Variants in MEIS2 observed in about 807,000 individuals in gnomAD.
MEIS2 encodes homeobox protein Meis2.
In MEIS2, 9 loss-of-function variants were observed where a neutral mutation model predicts 58.6. That is an observed-to-expected ratio of 0.15 (90% CI 0.09 to 0.27). MEIS2 has a LOEUF of 0.27. MEIS2 is among the 10% of genes least tolerant of loss of function. The pLI is 1.00. For synonymous variants in MEIS2, 221 were observed against 228.4 expected (o/e 0.97, Z 0.29); for missense variants, 427 against 635.0 (o/e 0.67, Z 3.52).
intron 8 of MEIS2, among the ~76,000 whole-genome samples, chr15:37,019,605 C>A (rs1463116092): frequency 6.6e-6 from 1 of 152,074 alleles, no homozygotes; most frequent in East Asian, 1.9e-4. Flanking sequence ...AAATTTAGAG[C>A]CCCAAAGAGA....
At chr15:37,096,715 G>A (rs2140096547) in intron 2 of MEIS2, among the ~76,000 whole-genome samples, 1 of 152,172 alleles carries the variant, frequency 6.6e-6, no homozygotes, top group South Asian at 2.1e-4. Flanking sequence ...GGAACGTAAT[G>A]AAACATCCGA....
chr15:37,080,975 T>A (rs957680517), intron 7 of MEIS2, among the ~76,000 whole-genome samples: 13 of 152,208 alleles, frequency 8.5e-5, no homozygotes, highest in Admixed American at 5.9e-4. Context: ...TGTGTAACTG[T>A]AGCTGTTTCA....
intron 8 of MEIS2, among the ~76,000 whole-genome samples, chr15:36,990,108 C>T (rs1317638656): frequency 6.6e-6 from 1 of 152,074 alleles, no homozygotes; most frequent in Non-Finnish European, 1.5e-5. Flanking sequence ...CCACGCCCAG[C>T]TAAATTTTTT....
At chr15:37,087,576 C>T (rs922226468) in intron 6 of MEIS2, among the ~76,000 whole-genome samples, 6 of 150,952 alleles carry the variant, frequency 4.0e-5, no homozygotes, top group African/African-American at 1.5e-4. Context: ...CACAATTGTG[C>T]CAGTGTTTTC....
At chr15:37,012,219 A>G (rs1352160193) in intron 8 of MEIS2, among the ~76,000 whole-genome samples, 2 of 152,208 alleles carry the variant, frequency 1.3e-5, no homozygotes, top group African/African-American at 4.8e-5. Context: ...TAAAAGGAAC[A>G]TTGATGGGTA....
rs2063007920 is a variant in MEIS2, at chr15:37,053,380, C to T, written c.755-16421G>A. ...TTGAGTGAGGAATTCACCGCTGACCCAGTAGAACACAATTTCTACCACCAG... is the reference window on the plus strand; with the variant it reads ...TTGAGTGAGGAATTCACCGCTGACCTAGTAGAACACAATTTCTACCACCAG... On this transcript the variant is annotated intron_variant, in intron 7 of 11. Coordinates refer to ENST00000561208, the MANE Select transcript of MEIS2 (RefSeq NM_170675.5). Among the ~76,000 whole-genome samples, 5 of 152,144 alleles carry T rather than the reference C, an allele frequency of 3.3e-5. No individual in the cohort carries two copies. The South Asian group carries it at 8.3e-4, about 25-fold the overall frequency.
chr15:36,931,212 A>C (rs1432057819), intron 9 of MEIS2, among the ~76,000 whole-genome samples: 3 of 152,216 alleles, frequency 2.0e-5, no homozygotes, highest in Non-Finnish European at 4.4e-5. Context: ...GGAGAGAAGA[A>C]AAAAGCCTAT....
chr15:36,947,627 T>G (rs2058615692), intron 9 of MEIS2, among the ~76,000 whole-genome samples: 1 of 151,956 alleles, frequency 6.6e-6, no homozygotes, highest in Admixed American at 6.6e-5. Flanking sequence ...CTGCTCTAAT[T>G]CCTTGGGTGC....
chr15:36,944,327 G>GAAATAATTTC (rs2058481120), intron 9 of MEIS2, among the ~76,000 whole-genome samples: 2 of 151,924 alleles, frequency 1.3e-5, no homozygotes, highest in African/African-American at 4.8e-5. Flanking sequence ...AGAAATAATT[G>GAAATAATTTC]TAGGTCTCCA....
intron 8 of MEIS2, among the ~76,000 whole-genome samples, chr15:37,026,253 T>C (rs945835218): frequency 2.0e-5 from 3 of 152,208 alleles, no homozygotes; most frequent in Non-Finnish European, 4.4e-5. Context: ...AAAAGCCTTT[T>C]TCTTTTTAAA....
intron 7 of MEIS2, among the ~76,000 whole-genome samples, chr15:37,079,642 C>G (rs555480788): frequency 2.0e-4 from 31 of 152,254 alleles, no homozygotes; most frequent in African/African-American, 7.2e-4. Context: ...ACATTCACTA[C>G]TAAGGAGATA....
chr15:36,940,095 A>G (rs2058321996), intron 9 of MEIS2, among the ~76,000 whole-genome samples: 1 of 152,190 alleles, frequency 6.6e-6, no homozygotes, highest in East Asian at 1.9e-4. Flanking sequence ...GGTTGCTGAG[A>G]TGGAACCAAA....
intron 9 of MEIS2, among the ~76,000 whole-genome samples, chr15:36,922,713 C>T (rs1297007291): frequency 1.3e-5 from 2 of 151,280 alleles, no homozygotes; most frequent in Admixed American, 6.6e-5. Flanking sequence ...CTCCGCCTCC[C>T]GGGTTCAGGC....
intron 9 of MEIS2, among the ~76,000 whole-genome samples, chr15:36,925,420 C>G (rs8026749): frequency 6.6e-6 from 1 of 152,028 alleles, no homozygotes; most frequent in Non-Finnish European, 1.5e-5. Flanking sequence ...TGAATTTCCT[C>G]AAAGTGATGC....
intron 7 of MEIS2, among the ~76,000 whole-genome samples, chr15:37,077,445 A>G (rs1162152549): frequency 6.6e-6 from 1 of 152,110 alleles, no homozygotes; most frequent in African/African-American, 2.4e-5. Context: ...TTCAAGAAAA[A>G]TTAATCAGTT....
chr15:37,094,383 A>C, intron 5 of MEIS2, 144 bp downstream of exon 5: 1 of 735,098 alleles, frequency 1.4e-6, no homozygotes, highest in Non-Finnish European at 2.2e-6. Context: ...TGTGTTGAGA[A>C]GCGAGTTGAA....
At chr15:37,036,635 G>C (rs2062166474) in intron 8 of MEIS2, 179 bp downstream of exon 8, 1 of 553,738 alleles carries the variant, frequency 1.8e-6, no homozygotes, top group Admixed American at 3.7e-5. Flanking sequence ...ACTTTCTAGA[G>C]GGTGCTCTTT....
chr15:37,040,515 C>G (rs2062379740), intron 7 of MEIS2, among the ~76,000 whole-genome samples: 1 of 152,242 alleles, frequency 6.6e-6, no homozygotes, highest in Non-Finnish European at 1.5e-5. Context: ...ATGCCAGGAA[C>G]AGAGCTTCTT....
At chr15:37,098,506 A>G (rs1894671213) in intron 1 of MEIS2, 1 of 677,980 alleles carries the variant, frequency 1.5e-6, no homozygotes. Context: ...CAGCCAAAAC[A>G]ACGGAGTTAA....
Sources: allele counts gnomAD v4.1 joint callset (sites outside exome capture counted in the v4.1 genomes callset), GRCh38; gene constraint gnomAD v4.1.1; transcripts MANE v1.5; gene names NCBI Gene and HGNC (gene_info 2026-07-23, HGNC 2026-07-21).